PPARGC1A: variants seen among roughly 807,000 people sequenced by gnomAD.
PPARGC1A encodes the protein peroxisome proliferator-activated receptor gamma coactivator 1-alpha.
A neutral mutation model predicts 88.7 loss-of-function variants in PPARGC1A; 25 were observed. The ratio of observed to expected loss-of-function variants is 0.28; its 90% CI spans 0.21 to 0.39. PPARGC1A has a LOEUF of 0.39. Among genes scored for constraint, PPARGC1A ranks in the 10% least tolerant of loss-of-function variants. The probability of loss-of-function intolerance (pLI) is 1.00; values close to 1 mark genes in which losing one functional copy is unlikely to be tolerated. For missense variants in PPARGC1A, 880 were observed against 968.7 expected (o/e 0.91, Z 1.22); for synonymous variants, 363 against 355.6 (o/e 1.02, Z -0.24).
the PPARGC1A span, among the ~76,000 whole-genome samples, chr4:24,015,167 C>T: frequency 1.3e-5 from 2 of 151,944 alleles, no homozygotes; most frequent in Admixed American, 1.3e-4. Flanking sequence ...AGATGATATA[C>T]AGTCATAAAT....
At chr4:23,815,575 A>T (rs548473735) in intron 7 of PPARGC1A, among the ~76,000 whole-genome samples, 22 of 152,224 alleles carry the variant, frequency 1.4e-4, no homozygotes, top group African/African-American at 5.1e-4. Context: ...AGGGCAGAAC[A>T]TTTCATCAGA....
chr4:23,824,664 T>C (rs1723608941), intron 5 of PPARGC1A, among the ~76,000 whole-genome samples, 156 bp from the exon 6 acceptor site: 1 of 152,098 alleles, frequency 6.6e-6, no homozygotes, highest in Non-Finnish European at 1.5e-5. Context: ...AAAAGTCCAT[T>C]ATGCTAAAAC....
chr4:24,096,609 T>A, the PPARGC1A span, among the ~76,000 whole-genome samples: 23 of 152,198 alleles, frequency 1.5e-4, no homozygotes, highest in Non-Finnish European at 3.4e-4. Context: ...TACAAAAACT[T>A]TTACTCTACC....
intron 2 of PPARGC1A, among the ~76,000 whole-genome samples, chr4:23,865,923 C>T (rs1483748635): frequency 2.0e-5 from 3 of 151,894 alleles, no homozygotes; most frequent in Non-Finnish European, 4.4e-5. Context: ...AGTTATATGG[C>T]TTAAACTGAG....
the PPARGC1A span, among the ~76,000 whole-genome samples, chr4:24,252,666 C>T: frequency 2.0e-5 from 3 of 152,330 alleles, no homozygotes; most frequent in East Asian, 1.9e-4. Context: ...ATGCTCTTCT[C>T]GTTCCCCTAA....
chr4:24,052,650 A>AAAT, the PPARGC1A span, among the ~76,000 whole-genome samples: 1 of 151,240 alleles, frequency 6.6e-6, no homozygotes, highest in African/African-American at 2.4e-5. Flanking sequence ...AAAAAAAAAA[A>AAAT]AAAATATTCC....
chr4:24,239,695 G>C, the PPARGC1A span, among the ~76,000 whole-genome samples: 1 of 151,612 alleles, frequency 6.6e-6, no homozygotes, highest in Non-Finnish European at 1.5e-5. Context: ...GCTTGTTTTG[G>C]GTAGAAAAAA....
chr4:24,229,123 G>C, the PPARGC1A span, among the ~76,000 whole-genome samples: 1 of 132,226 alleles, frequency 7.6e-6, no homozygotes, highest in East Asian at 2.4e-4. Flanking sequence ...AGATTTAATT[G>C]ATTATGGATG....
chr4:24,241,069 A>G, the PPARGC1A span, among the ~76,000 whole-genome samples: 2 of 152,154 alleles, frequency 1.3e-5, no homozygotes, highest in Non-Finnish European at 2.9e-5. Flanking sequence ...TTCACTCTCA[A>G]TTTGCTAACA....
rs148669466 is a variant in PPARGC1A at position 23,813,701 on chromosome 4, T to G, written c.1782A>C (p.Arg594Ser). 2.1e-5 allele frequency: 33 copies of G among 1,592,312 alleles called. No individual in the cohort carries two copies. The highest frequency in any genetic ancestry group is 2.1e-5 in the Non-Finnish European group (24 of 1,166,590). ...SRSRSRSPGS[R>S]SSSRSCYYYE... ...TTGCCAAGGTTTACCTTGAAGAGGA[T>G]CTACTGCCTGGAGACCTTGATCTTG... The change falls in exon 8 of 13, where the codon AGA becomes AGC. Residue 594 changes from arginine (R) to serine (S), a missense_variant. Physicochemically the swap from Arg to Ser is moderately radical, Grantham distance 110. Transcript: ENST00000264867.
the PPARGC1A span, among the ~76,000 whole-genome samples, chr4:24,179,458 A>G: frequency 6.6e-6 from 1 of 151,902 alleles, no homozygotes; most frequent in Non-Finnish European, 1.5e-5. Flanking sequence ...CTGCGGCTCA[A>G]AAGGTCTTGC....
the PPARGC1A span, among the ~76,000 whole-genome samples, chr4:24,194,630 G>GCGCGCGCACA: frequency 6.2e-5 from 3 of 48,692 alleles, no homozygotes; most frequent in African/African-American, 1.9e-4. Context: ...GCACGCGCGC[G>GCGCGCGCACA]CACACACACA....
At chr4:24,056,775 A>G in the PPARGC1A span, among the ~76,000 whole-genome samples, 1 of 152,244 alleles carries the variant, frequency 6.6e-6, no homozygotes, top group African/African-American at 2.4e-5. Flanking sequence ...TAGGACGGCA[A>G]CTATGAACAA....
chr4:24,274,912 G>C, the PPARGC1A span, among the ~76,000 whole-genome samples: 1,734 of 152,124 alleles, frequency 0.011, 32 homozygotes, highest in African/African-American at 0.04. Flanking sequence ...AACCACACAG[G>C]GTTCCTGGGT....
chr4:24,467,333 C>T, the PPARGC1A span, among the ~76,000 whole-genome samples: 10 of 152,224 alleles, frequency 6.6e-5, no homozygotes, highest in African/African-American at 1.4e-4. Context: ...AAGGTAAGAA[C>T]GTAGAAATGC....
At chr4:24,168,526 A>G in the PPARGC1A span, among the ~76,000 whole-genome samples, 2 of 152,252 alleles carry the variant, frequency 1.3e-5, no homozygotes, top group African/African-American at 4.8e-5. Flanking sequence ...GACTCTGTAC[A>G]GAAATGGCTG....
chr4:24,193,520 C>G, the PPARGC1A span, among the ~76,000 whole-genome samples: 1 of 152,090 alleles, frequency 6.6e-6, no homozygotes, highest in Non-Finnish European at 1.5e-5. Context: ...TGCAAGCTAC[C>G]CAAGGTCTCA....
chr4:24,192,675 C>T, the PPARGC1A span, among the ~76,000 whole-genome samples: 1 of 152,176 alleles, frequency 6.6e-6, no homozygotes, highest in Non-Finnish European at 1.5e-5. Context: ...AATTACTGTA[C>T]TTCAATTAGA....
chr4:24,403,205 C>T, the PPARGC1A span, among the ~76,000 whole-genome samples: 1 of 152,184 alleles, frequency 6.6e-6, no homozygotes, highest in Non-Finnish European at 1.5e-5. Flanking sequence ...ACTCTCCCAC[C>T]TCCCACGGCT....
Sources: gnomAD v4.1 joint callset for allele counts (sites outside exome capture counted in the v4.1 genomes callset) on GRCh38, gnomAD v4.1.1 for gene constraint, MANE v1.5 for transcripts, NCBI Gene and HGNC (gene_info 2026-07-23, HGNC 2026-07-21) for gene names.